The following CFAP74 variants were observed in gnomAD, a reference collection of about 807,000 sequenced individuals.
CFAP74 encodes cilia and flagella associated protein 74, also known as cilia- and flagella-associated protein 74.
CFAP74 carries 124 observed loss-of-function variants against 188.9 expected under a neutral mutation model. The observed-to-expected ratio is 0.66, with a 90% CI of 0.57 to 0.76. CFAP74 has a LOEUF of 0.76. Ranked by LOEUF, CFAP74 falls within the 30% of genes least tolerant of loss-of-function variation. The pLI is 0.00. For missense variants in CFAP74, 2,198 were observed against 2,165.2 expected, an observed-to-expected ratio of 1.02 and a Z score of -0.30; for synonymous variants, 956 against 916.7, an observed-to-expected ratio of 1.04 and a Z score of -0.77.
At position 1,940,328 on chromosome 1, in the gene CFAP74, C is replaced by G; in HGVS notation, c.2691G>C (p.Trp897Cys). ...TRVLEAPMTI[W>C]VADQNKPVGF... ...CCCCAACACAGACCTGGTCGGCAAC[C>G]CATATGGTCATCGGGGCCTCCAGGA... The change falls in exon 23 of 39, where the codon TGG becomes TGC. Residue 897 changes from tryptophan to cysteine, a missense_variant. Transcript: ENST00000682832. 1 of 1,535,860 alleles carries G rather than the reference C, an allele frequency of 6.5e-7. No homozygotes were observed. Among genetic ancestry groups the G allele is most frequent in the Non-Finnish European group, 8.7e-7 (1 of 1,146,766 alleles).
chr1:1,971,889 G>A (rs1197168491), intron 9 of CFAP74, 91 bp downstream of exon 9: 10 of 997,384 alleles, frequency 1.0e-5, no homozygotes, highest in Non-Finnish European at 1.4e-5. Context: ...GACGCCAGAG[G>A]ACACGGGCCT....
At chr1:1,933,094 G>C (rs1652549234) in intron 25 of CFAP74, among the ~76,000 whole-genome samples, 1 of 151,342 alleles carries the variant, frequency 6.6e-6, no homozygotes, top group Non-Finnish European at 1.5e-5. Flanking sequence ...CAACGTGTTA[G>C]GCAGGATGGT....
chr1:1,924,431 C>G lies in CFAP74; in HGVS notation c.4194G>C (p.Pro1398=), dbSNP rs373105882. The G allele has an allele frequency of 2.2e-5, 30 of 1,377,574 alleles. No homozygotes were observed. Among genetic ancestry groups the G allele is most frequent in the Non-Finnish European group, 2.9e-5 (30 of 1,044,320 alleles). 85.3% of individuals were successfully genotyped at this position (1,377,574 alleles called of 1,614,324 possible). ...TCTGGGAGGGCGAGCTGAGGAACTG[C>G]GGCAGCTGCTGCTGGCCCCGGCCCC... ...STRGRGQQQL[P]QFLSSPSQRT... The change falls in exon 34 of 39, where the codon CCG becomes CCC. Residue 1398 remains proline, a synonymous_variant. Transcript: ENST00000682832.
intron 1 of CFAP74, among the ~76,000 whole-genome samples, chr1:1,993,177 G>A (rs1443883143): frequency 6.8e-6 from 1 of 147,074 alleles, no homozygotes; most frequent in Non-Finnish European, 1.5e-5. Flanking sequence ...TTCTAGCCTG[G>A]GCGACAGGGG....
chr1:1,988,862 A>G, intron 3 of CFAP74, 27 bp downstream of exon 3: 2 of 297,690 alleles, frequency 6.7e-6, no homozygotes, highest in Non-Finnish European at 1.1e-5. Context: ...CCCCACACCC[A>G]CCTCCACCCC....
chr1:1,971,381 G>GGT (rs2102080304), intron 9 of CFAP74, among the ~76,000 whole-genome samples: 1 of 150,734 alleles, frequency 6.6e-6, no homozygotes, highest in African/African-American at 2.4e-5. Context: ...GGTCACACAT[G>GGT]CACACACGTG....
chr1:1,986,497 C>T (rs1264212313), intron 5 of CFAP74, among the ~76,000 whole-genome samples: 1 of 152,172 alleles, frequency 6.6e-6, no homozygotes, highest in Non-Finnish European at 1.5e-5. Flanking sequence ...GCACCTGGTG[C>T]CCCCAGAGGG....
chr1:1,951,586 A>AT (rs1654206232), intron 18 of CFAP74, among the ~76,000 whole-genome samples: 2 of 152,170 alleles, frequency 1.3e-5, no homozygotes, highest in Non-Finnish European at 2.9e-5. Flanking sequence ...AGTCCTTGAA[A>AT]TTTGTTTTTT....
rs201837422 is a variant in CFAP74, at chr1:1,971,987, G to A, written c.881C>T (p.Ala294Val). Residue 294 changes from alanine to valine, a missense_variant, in exon 9 of 39, where the codon GCG (alanine) becomes GTG (valine). Coordinates refer to ENST00000682832, the MANE Select transcript of CFAP74 (RefSeq NM_001304360.2). ...GGGGCTGCGGGGGCCTACCCGGTTCGCGGAGATGCTGCCCTTCAGCGCCAC... is the reference window on the plus strand; with the variant it reads ...GGGGCTGCGGGGGCCTACCCGGTTCACGGAGATGCTGCCCTTCAGCGCCAC... Reference protein sequence around the residue: ...AVVALKGSISANRDTLRKFQA... With the variant: ...AVVALKGSISVNRDTLRKFQA... 44 of 1,609,314 alleles carry A rather than the reference G, an allele frequency of 2.7e-5. No individual in the cohort carries two copies. In the Admixed American group the frequency reaches 5.2e-4, roughly 19 times the overall value.
chr1:1,930,263 C>G lies in CFAP74; in HGVS notation c.3085G>C (p.Ala1029Pro). 1 of 1,535,644 alleles carries G rather than the reference C, an allele frequency of 6.5e-7. No homozygotes were observed. Among genetic ancestry groups the G allele is most frequent in the East Asian group, 2.4e-5 (1 of 40,912 alleles). Residue 1029 changes from alanine (A) to proline (P), a missense_variant, in exon 26 of 39, where the codon GCC becomes CCC. Physicochemically the swap from Ala to Pro is conservative, Grantham distance 27. Coordinates refer to ENST00000682832, the MANE Select transcript of CFAP74 (RefSeq NM_001304360.2). ...LELSHYQIKF[A>P]ATALYDTSVA... The stretch of plus-strand genomic sequence containing the variant: ...GAGGTGTCGTATAGGGCCGTGGCGG[C>G]AAACTTGATCTGGTAGTGGGACAGC...
At chr1:1,924,882 C>A (rs1651736452) in intron 33 of CFAP74, among the ~76,000 whole-genome samples, 1 of 152,272 alleles carries the variant, frequency 6.6e-6, no homozygotes, top group Non-Finnish European at 1.5e-5. Flanking sequence ...ACCCTTTCTC[C>A]ATGCAACGCC....
chr1:1,970,043 C>T (rs900284827), intron 10 of CFAP74, among the ~76,000 whole-genome samples: 1 of 152,156 alleles, frequency 6.6e-6, no homozygotes, highest in Non-Finnish European at 1.5e-5. Flanking sequence ...AGGAACCTGG[C>T]CCCGAGGTCT....
At position 1,926,653 on chromosome 1, in the gene CFAP74, C is replaced by T; in HGVS notation, c.3771G>A (p.Val1257=). The T allele has an allele frequency of 3.2e-6, 5 of 1,549,896 alleles. No homozygotes were observed. The highest frequency in any genetic ancestry group is 4.4e-6 in the Non-Finnish European group (5 of 1,146,624). The change falls in exon 30 of 39, where the codon GTG becomes GTA. Residue 1257 remains valine (V), a splice_region_variant and synonymous_variant. Coordinates refer to ENST00000682832, the MANE Select transcript of CFAP74 (RefSeq NM_001304360.2). ...TGTGGGCGGGGCTTAGCGTCTCACC[C>T]ACAGCGACGTCGCCGAAGTTAAAGA... is the stretch of plus-strand genomic sequence containing the variant. ...KTIFNFGDVA[V]GHRSIKKISI... is the part of the protein sequence containing the mutation.
chr1:1,991,078 G>A lies in CFAP74; in HGVS notation c.-19-103C>T, dbSNP rs370200085. On this transcript the variant is annotated intron_variant, in intron 1 of 38. Transcript: ENST00000682832. ...GAAGGCATTAAGAAAACAAACGACA[G>A]ATTAGGAAAAAATATTTGCAGCACA... is the stretch of plus-strand genomic sequence containing the variant. 5 of 743,020 alleles carry A rather than the reference G, an allele frequency of 6.7e-6. No homozygotes were observed. In the African/African-American group the frequency reaches 7.1e-5, roughly 11 times the overall value. 46.0% of individuals were successfully genotyped at this position (743,020 alleles called of 1,614,324 possible). A position where few individuals can be genotyped will look rare whatever the true frequency, so the allele number is the denominator to read the frequency against.
chr1:1,988,788 G>A (rs1657395895), intron 3 of CFAP74, 101 bp downstream of exon 3: 1 of 1,195,884 alleles, frequency 8.4e-7, no homozygotes, highest in Non-Finnish European at 1.2e-6. Flanking sequence ...CAGCCTGTGG[G>A]AGGGAGGAAG....
chr1:1,977,257 C>T (rs1656509118), intron 6 of CFAP74, among the ~76,000 whole-genome samples: 1 of 152,218 alleles, frequency 6.6e-6, no homozygotes, highest in African/African-American at 2.4e-5. Flanking sequence ...CACTGGCCTT[C>T]AGACCACAGC....
Position 1,924,479 on chromosome 1 carries a change from G to A in CFAP74, c.4146C>T (p.His1382=), listed in dbSNP as rs143335748. ...NSLLPIKFSM[H]LDSLSSTRGR... is the part of the protein sequence containing the mutation. Reference sequence around the variant, plus strand: ...CCCGGGTGCTGGAGAGGCTGTCCAGGTGCATGGAGAACTTGATGGGGAGCA... The same window carrying A: ...CCCGGGTGCTGGAGAGGCTGTCCAGATGCATGGAGAACTTGATGGGGAGCA... Residue 1382 remains histidine, a synonymous_variant, in exon 34 of 39, where the codon CAC becomes CAT. Transcript: ENST00000682832. 3.4e-4 allele frequency: 547 copies of A among 1,602,744 alleles called. No homozygotes were observed. Among genetic ancestry groups the A allele is most frequent in the Non-Finnish European group, 4.6e-4 (537 of 1,176,484 alleles).
In CFAP74 at chr1:1,960,031, C is replaced by A. The variant is rs749246839; in HGVS notation, c.1695-1G>T. Reference sequence around the variant, plus strand: ...TGACAGGGGGCCAGGGGGGTCAAAGCTGCAGGACGTGACCCATAGCACACG... The same window carrying A: ...TGACAGGGGGCCAGGGGGGTCAAAGATGCAGGACGTGACCCATAGCACACG... On this transcript the variant is annotated splice_acceptor_variant, in intron 14 of 38. Coordinates refer to ENST00000682832, the MANE Select transcript of CFAP74 (RefSeq NM_001304360.2). LOFTEE classifies it high-confidence loss of function. The A allele has an allele frequency of 6.3e-7, 1 of 1,593,428 alleles. No individual in the cohort carries two copies. Among genetic ancestry groups the A allele is most frequent in the Admixed American group, 1.8e-5 (1 of 56,266 alleles).
intron 16 of CFAP74, among the ~76,000 whole-genome samples, chr1:1,957,528 C>T (rs552552763): frequency 1.3e-5 from 2 of 152,144 alleles, no homozygotes; most frequent in African/African-American, 2.4e-5. Flanking sequence ...CCTGGACGCT[C>T]CCCTGGGAGA....
Sources: gnomAD v4.1 joint callset for allele counts (sites outside exome capture counted in the v4.1 genomes callset) on GRCh38, gnomAD v4.1.1 for gene constraint, MANE v1.5 for transcripts, NCBI Gene and HGNC (gene_info 2026-07-23, HGNC 2026-07-21) for gene names.